TSHZ2: variants seen among roughly 807,000 people sequenced by gnomAD.
TSHZ2 encodes teashirt zinc finger homeobox 2.
In TSHZ2, 21 loss-of-function variants were observed where a neutral mutation model predicts 74.4. That is an observed-to-expected ratio of 0.28 (90% CI 0.20 to 0.41). The LOEUF is 0.41. TSHZ2 is among the 10% of genes least tolerant of loss of function. The pLI is 1.00. For synonymous variants in TSHZ2, 540 were observed against 515.3 expected (o/e 1.05, Z -0.65); for missense variants, 1,244 against 1,293.5 (o/e 0.96, Z 0.59).
intron 2 of TSHZ2, among the ~76,000 whole-genome samples, chr20:53,402,340 A>C (rs1982697604): frequency 6.6e-6 from 1 of 152,110 alleles, no homozygotes; most frequent in African/African-American, 2.4e-5. Context: ...CTATGTTTAG[A>C]TGTATCTAGA....
intron 2 of TSHZ2, among the ~76,000 whole-genome samples, chr20:53,294,942 C>T (rs529897791): frequency 6.6e-6 from 1 of 152,346 alleles, no homozygotes; most frequent in South Asian, 2.1e-4. Context: ...ATTTCTGCTG[C>T]TGGAGGCTCC....
chr20:53,198,338 T>C (rs2123565396), intron 1 of TSHZ2: 1 of 152,354 alleles, frequency 6.6e-6, no homozygotes, highest in Admixed American at 6.5e-5. Flanking sequence ...AGATGGCTCA[T>C]GTGCCACATG....
intron 1 of TSHZ2, among the ~76,000 whole-genome samples, chr20:53,162,453 C>G (rs536682483): frequency 2.6e-5 from 4 of 152,344 alleles, no homozygotes; most frequent in African/African-American, 9.6e-5. Flanking sequence ...TGTATCTTTC[C>G]TGGTAACTCG....
At chr20:53,246,716 T>A (rs1163073682) in intron 1 of TSHZ2, among the ~76,000 whole-genome samples, 1 of 152,218 alleles carries the variant, frequency 6.6e-6, no homozygotes, top group African/African-American at 2.4e-5. Context: ...CACAAAGGGA[T>A]GACAGAATAT....
chr20:53,202,502 C>A lies in TSHZ2; in HGVS notation c.41-50997C>A, dbSNP rs529927561. Among the ~76,000 whole-genome samples the A allele has an allele frequency of 1.2e-4, 18 of 152,250 alleles. No homozygotes were observed. In the South Asian group the frequency reaches 3.5e-3, roughly 30 times the overall value. On this transcript the variant is annotated intron_variant, in intron 1 of 2. Transcript: ENST00000371497. ...ATTGCTAGAATTTAGCGAACACTTACTGCTTGTTGACCACTGAGCTCGGTG... is the reference window on the plus strand; with the variant it reads ...ATTGCTAGAATTTAGCGAACACTTAATGCTTGTTGACCACTGAGCTCGGTG...
intron 2 of TSHZ2, among the ~76,000 whole-genome samples, chr20:53,278,678 T>G (rs571786806): frequency 6.6e-6 from 1 of 152,368 alleles, no homozygotes; most frequent in South Asian, 2.1e-4. Context: ...TATTAATCTT[T>G]CTTATCATTT....
intron 2 of TSHZ2, among the ~76,000 whole-genome samples, chr20:53,338,030 C>T (rs966408566): frequency 6.6e-6 from 1 of 152,148 alleles, no homozygotes; most frequent in Non-Finnish European, 1.5e-5. Flanking sequence ...AGTTAGAAAA[C>T]CTCTCTGACC....
intron 1 of TSHZ2, among the ~76,000 whole-genome samples, chr20:53,058,620 G>A (rs1051686941): frequency 1.3e-5 from 2 of 152,092 alleles, no homozygotes; most frequent in Admixed American, 6.5e-5. Context: ...AAAGACAGTA[G>A]GAGAAAAAAA....
chr20:53,026,999 C>A (rs1034438121), intron 1 of TSHZ2, among the ~76,000 whole-genome samples: 1 of 151,606 alleles, frequency 6.6e-6, no homozygotes. Context: ...AACATAAATA[C>A]ATAAATAAAC....
At chr20:53,091,095 G>T (rs1435743906) in intron 1 of TSHZ2, among the ~76,000 whole-genome samples, 1 of 152,166 alleles carries the variant, frequency 6.6e-6, no homozygotes, top group African/African-American at 2.4e-5. Flanking sequence ...CAATTTAATT[G>T]TAATGTATTT....
intron 1 of TSHZ2, chr20:53,196,366 T>TAAAAAAAAAAAAAAAAAAAAA (rs34385917): frequency 3.6e-5 from 4 of 109,678 alleles, no homozygotes; most frequent in African/African-American, 1.2e-4. Flanking sequence ...AATCTGCTGC[T>TAAAAAAAAAAAAAAAAAAAAA]AAAAAAAAAA....
rs1291917876 is a variant in TSHZ2, at chr20:53,190,135, ATATT to A, written c.41-63362_41-63359del. On this transcript the variant is annotated intron_variant, in intron 1 of 2. Transcript: ENST00000371497. ...TATATATATATATATATATATATAT[ATATT>A]TTCTTAAATGCCTCTGTTTCTTTTT... Among the ~76,000 whole-genome samples the A allele has an allele frequency of 8.8e-4, 79 of 89,914 alleles. 8 individuals carry two copies. In the East Asian group the frequency reaches 0.012, roughly 14 times the overall value. 59.0% of individuals were successfully genotyped at this position (89,914 alleles called of 152,430 possible). A position where few individuals can be genotyped will look rare whatever the true frequency, so the allele number is the denominator to read the frequency against.
At chr20:53,036,432 G>T (rs369123743) in intron 1 of TSHZ2, among the ~76,000 whole-genome samples, 1 of 151,334 alleles carries the variant, frequency 6.6e-6, no homozygotes, top group South Asian at 2.1e-4. Context: ...GTATATGCAC[G>T]TATACATACA....
chr20:53,468,581 A>G lies in TSHZ2; in HGVS notation c.*9-18563A>G, dbSNP rs186537292. 3.3e-5 allele frequency among the ~76,000 whole-genome samples: 5 copies of G among 151,888 alleles called. No individual in the cohort carries two copies. In the East Asian group the frequency reaches 9.7e-4, roughly 30 times the overall value. Reference sequence around the variant, plus strand: ...TCTTAAACCATTTCAGAGGTGGCCCATAAAGGAGGCAAAAGGGGACTTGCC... The same window carrying G: ...TCTTAAACCATTTCAGAGGTGGCCCGTAAAGGAGGCAAAAGGGGACTTGCC... On this transcript the variant is annotated intron_variant, in intron 2 of 2. Transcript: ENST00000371497.
chr20:53,413,020 GCCT>G (rs1044071386), intron 2 of TSHZ2: 7 of 152,346 alleles, frequency 4.6e-5, no homozygotes, highest in African/African-American at 1.4e-4. Context: ...TCCCCCAGAA[GCCT>G]CCTCTAAAAC....
At chr20:53,376,176 G>A (rs758428958) in intron 2 of TSHZ2, among the ~76,000 whole-genome samples, 6 of 152,168 alleles carry the variant, frequency 3.9e-5, no homozygotes, top group Middle Eastern at 3.2e-3. Context: ...AAAGCATAAC[G>A]GACTTGGTGT....
At chr20:53,031,678 A>T (rs538385869) in intron 1 of TSHZ2, among the ~76,000 whole-genome samples, 1 of 152,336 alleles carries the variant, frequency 6.6e-6, no homozygotes, top group Non-Finnish European at 1.5e-5. Context: ...GATCCTCAAC[A>T]GCAGCAGAAT....
At chr20:53,023,147 A>G (rs1225054158) in intron 1 of TSHZ2, among the ~76,000 whole-genome samples, 7 of 152,202 alleles carry the variant, frequency 4.6e-5, no homozygotes, top group Non-Finnish European at 1.0e-4. Flanking sequence ...TCTTGCTTGA[A>G]TTATAGAAGT....
At chr20:53,447,192 G>C (rs1340447955) in intron 2 of TSHZ2, among the ~76,000 whole-genome samples, 1 of 152,150 alleles carries the variant, frequency 6.6e-6, no homozygotes, top group Non-Finnish European at 1.5e-5. Context: ...ATCCCTTCAA[G>C]TGTTTTTGTA....
Sources: allele counts gnomAD v4.1 joint callset (sites outside exome capture counted in the v4.1 genomes callset), GRCh38; gene constraint gnomAD v4.1.1; transcripts MANE v1.5; gene names NCBI Gene and HGNC (gene_info 2026-07-23, HGNC 2026-07-21).